The following AGBL4 variants were observed in gnomAD, a reference collection of about 807,000 sequenced individuals.
AGBL4 encodes cytosolic carboxypeptidase 6.
Under a neutral mutation model 66.4 loss-of-function variants are expected in AGBL4, and 58 were observed. That is an observed-to-expected ratio of 0.87 (90% confidence interval 0.71 to 1.09). The LOEUF is 1.09. AGBL4 is among the 50% of genes least tolerant of loss of function. The pLI, the probability that AGBL4 is intolerant of heterozygous loss-of-function variation, is 0.00. For missense variants in AGBL4, 579 were observed against 631.0 expected, an observed-to-expected ratio of 0.92 and a Z score of 0.88; for synonymous variants, 234 against 222.9, an observed-to-expected ratio of 1.05 and a Z score of -0.44.
intron 3 of AGBL4, among the ~76,000 whole-genome samples, chr1:49,494,860 C>A (rs986124719): frequency 9.2e-5 from 14 of 151,934 alleles, no homozygotes; most frequent in African/African-American, 7.2e-5. Context: ...ACTGACTTCC[C>A]CAATGGTTGA....
intron 4 of AGBL4, among the ~76,000 whole-genome samples, chr1:49,196,982 C>T (rs1007491580): frequency 6.6e-6 from 1 of 152,022 alleles, no homozygotes; most frequent in Non-Finnish European, 1.5e-5. Context: ...CACACGTCAC[C>T]ATGCCCAGCA....
At chr1:49,500,412 T>A (rs1214698208) in intron 3 of AGBL4, among the ~76,000 whole-genome samples, 1 of 151,604 alleles carries the variant, frequency 6.6e-6, no homozygotes, top group Non-Finnish European at 1.5e-5. Flanking sequence ...ATCTTTTTTT[T>A]TTTTGCATTT....
chr1:49,666,863 G>A (rs191645748), intron 3 of AGBL4, among the ~76,000 whole-genome samples: 2 of 152,186 alleles, frequency 1.3e-5, no homozygotes, highest in African/African-American at 4.8e-5. Context: ...TACAGCTGGA[G>A]CCAAAATTTG....
chr1:48,678,841 C>T (rs1646409946), intron 6 of AGBL4, among the ~76,000 whole-genome samples: 1 of 152,188 alleles, frequency 6.6e-6, no homozygotes, highest in African/African-American at 2.4e-5. Flanking sequence ...TTTGCATTTT[C>T]AATTCTAGAA....
chr1:49,062,951 C>A (rs886777037), intron 4 of AGBL4, among the ~76,000 whole-genome samples: 1 of 152,156 alleles, frequency 6.6e-6, no homozygotes, highest in Non-Finnish European at 1.5e-5. Context: ...ATTTATTAAT[C>A]TTAGAAGCTC....
At chr1:49,716,612 G>C (rs1456293764) in intron 2 of AGBL4, among the ~76,000 whole-genome samples, 1 of 152,040 alleles carries the variant, frequency 6.6e-6, no homozygotes, top group Non-Finnish European at 1.5e-5. Context: ...GGCATGCAAC[G>C]CTGGTTCAAC....
intron 3 of AGBL4, among the ~76,000 whole-genome samples, chr1:49,472,536 C>T (rs1646765904): frequency 6.6e-6 from 1 of 151,842 alleles, no homozygotes; most frequent in South Asian, 2.1e-4. Context: ...TGTGGCTCCT[C>T]GAAAAGTTAA....
intron 3 of AGBL4, among the ~76,000 whole-genome samples, chr1:49,460,563 T>A (rs1350543949): frequency 1.3e-5 from 2 of 151,694 alleles, no homozygotes; most frequent in Non-Finnish European, 2.9e-5. Flanking sequence ...TATTGGCATT[T>A]TAATTGAAGC....
chr1:49,129,853 G>C (rs1029567371), intron 4 of AGBL4, among the ~76,000 whole-genome samples: 2 of 152,044 alleles, frequency 1.3e-5, no homozygotes, highest in Non-Finnish European at 2.9e-5. Context: ...TGGGTCAAAT[G>C]GTATTTCTAG....
chr1:49,820,854 A>C (rs921735857), intron 2 of AGBL4, among the ~76,000 whole-genome samples: 1 of 152,198 alleles, frequency 6.6e-6, no homozygotes, highest in East Asian at 1.9e-4. Context: ...GCCACTTATT[A>C]GTTAAGCGCA....
chr1:48,604,920 A>G (rs1461360171), intron 9 of AGBL4, among the ~76,000 whole-genome samples: 2 of 152,260 alleles, frequency 1.3e-5, no homozygotes, highest in East Asian at 1.9e-4. Context: ...CCATATCTAC[A>G]TAAAAACCTT....
intron 3 of AGBL4, among the ~76,000 whole-genome samples, chr1:49,278,031 A>G (rs1279977093): frequency 6.6e-6 from 1 of 152,212 alleles, no homozygotes; most frequent in Non-Finnish European, 1.5e-5. Flanking sequence ...CAAGAAAAGT[A>G]TTCATATTTC....
intron 6 of AGBL4, among the ~76,000 whole-genome samples, chr1:48,770,724 C>T (rs1441475331): frequency 1.3e-5 from 2 of 152,202 alleles, no homozygotes; most frequent in African/African-American, 2.4e-5. Flanking sequence ...ACCAGCTACA[C>T]TTCCAGGGTT....
intron 1 of AGBL4, among the ~76,000 whole-genome samples, chr1:49,980,319 T>C (rs1472460504): frequency 2.6e-5 from 4 of 152,188 alleles, no homozygotes; most frequent in East Asian, 1.9e-4. Flanking sequence ...TCACTAGTGA[T>C]AGATATATTC....
chr1:48,873,507 C>G (rs1448350762), intron 5 of AGBL4, among the ~76,000 whole-genome samples: 1 of 152,160 alleles, frequency 6.6e-6, no homozygotes, highest in Non-Finnish European at 1.5e-5. Context: ...ACTCCTCCAT[C>G]CTCTCTAGTG....
At chr1:49,155,057 T>C (rs1333589158) in intron 4 of AGBL4, among the ~76,000 whole-genome samples, 2 of 152,228 alleles carry the variant, frequency 1.3e-5, no homozygotes, top group African/African-American at 4.8e-5. Context: ...ACAGATATTT[T>C]TCTTAGGATG....
In AGBL4 at chr1:49,515,524, A is replaced by T. The variant is rs190781288; in HGVS notation, c.282+181789T>A. ...AACTAGAAATACCATTTGACCCAGC[A>T]ATCCCATTACTGGGTATATACCCAA... On this transcript the variant is annotated intron_variant, in intron 3 of 13. Coordinates refer to ENST00000371839, the MANE Select transcript of AGBL4 (RefSeq NM_032785.4). Among the ~76,000 whole-genome samples the T allele has an allele frequency of 2.6e-5, 4 of 152,046 alleles. No homozygotes were observed. The South Asian group carries it at 6.2e-4, about 24-fold the overall frequency.
intron 3 of AGBL4, among the ~76,000 whole-genome samples, chr1:49,368,537 A>G (rs1184066596): frequency 2.0e-5 from 3 of 151,714 alleles, no homozygotes; most frequent in Non-Finnish European, 4.4e-5. Flanking sequence ...ACTTGTCAAA[A>G]CCCACGTCTC....
chr1:49,623,813 C>T lies in AGBL4; in HGVS notation c.282+73500G>A, dbSNP rs137871683. On this transcript the variant is annotated intron_variant, in intron 3 of 13. Transcript: ENST00000371839. ...ACTTTTAAACACCATATCCCTTGTG[C>T]AGGGCCTAAAGTACAGCATAATGGT... is the stretch of plus-strand genomic sequence containing the variant. Among the ~76,000 whole-genome samples, 276 of 152,322 alleles carry T rather than the reference C, an allele frequency of 1.8e-3. 1 individual carries two copies. The highest frequency in any genetic ancestry group is 6.3e-3 in the African/African-American group (261 of 41,578).
Sources: gnomAD v4.1 joint callset for allele counts (sites outside exome capture counted in the v4.1 genomes callset) on GRCh38, gnomAD v4.1.1 for gene constraint, MANE v1.5 for transcripts, NCBI Gene and HGNC (gene_info 2026-07-23, HGNC 2026-07-21) for gene names.